The following NRDE2 variants were observed in gnomAD, a reference collection of about 807,000 sequenced individuals.
The protein encoded by NRDE2 is NRDE-2, necessary for RNA interference, domain containing.
Under a neutral mutation model 124.2 loss-of-function variants are expected in NRDE2, and 76 were observed. The ratio of observed to expected loss-of-function variants is 0.61; its 90% CI spans 0.51 to 0.74. The LOEUF is 0.74. NRDE2 is among the 30% of genes least tolerant of loss of function. The probability of loss-of-function intolerance (pLI) is 0.00; values close to 1 mark genes in which losing one functional copy is unlikely to be tolerated. For synonymous variants in NRDE2, 489 were observed against 528.1 expected (o/e 0.93, Z 1.01); for missense variants, 1,314 against 1,417.3 (o/e 0.93, Z 1.17).
intron 4 of NRDE2, among the ~76,000 whole-genome samples, chr14:90,309,472 C>CAAAAAAA: frequency 9.0e-6 from 1 of 110,780 alleles, no homozygotes; most frequent in Non-Finnish European, 1.8e-5. Flanking sequence ...GACTCTGTCT[C>CAAAAAAA]AAAAAAAAAA....
chr14:90,288,552 T>C lies in NRDE2; in HGVS notation c.2823A>G (p.Glu941=). The C allele has an allele frequency of 1.9e-6, 3 of 1,614,140 alleles. No individual in the cohort carries two copies. The highest frequency in any genetic ancestry group is 8.5e-7 in the Non-Finnish European group (1 of 1,179,974). The change falls in exon 11 of 14, where the codon GAA becomes GAG. Residue 941 remains glutamate (E), a synonymous_variant. Transcript: ENST00000354366. The part of the protein sequence containing the change: ...FAKLNSSVFP[E]GSGEGDSASS... ...TGGCACTGTCCCCCTCGCCAGAGCC[T>C]TCTGGGAAAACAGAACTGTTCAGTT...
In NRDE2 at chr14:90,287,829, T is replaced by C. The variant is rs537168372; in HGVS notation, c.3158+388A>G. ...AGCTATGAGAGGGGAAGTGGCCTGCTCGAGTTCACCCAGCCGAGAAGAGCT... is the reference window on the plus strand; with the variant it reads ...AGCTATGAGAGGGGAAGTGGCCTGCCCGAGTTCACCCAGCCGAGAAGAGCT... On this transcript the variant is annotated intron_variant, in intron 11 of 13. Coordinates refer to ENST00000354366, the MANE Select transcript of NRDE2 (RefSeq NM_017970.4). Among the ~76,000 whole-genome samples, 3 of 152,110 alleles carry C rather than the reference T, an allele frequency of 2.0e-5. No homozygotes were observed. In the South Asian group the frequency reaches 6.2e-4, roughly 32 times the overall value.
rs1337330082 is a variant in NRDE2, at chr14:90,275,707, C to T, written c.*2629G>A. On this transcript the variant is annotated 3_prime_UTR_variant, in exon 14 of 14. Transcript: ENST00000354366. ...TGCTTGTGAAATAACAGAATTCCCA[C>T]AGTAATTTCTTCCCTGGCTTCCTGC... The T allele has an allele frequency of 6.6e-6, 1 of 152,196 alleles. No homozygotes were observed. The highest frequency in any genetic ancestry group is 1.5e-5 in the Non-Finnish European group (1 of 68,046). 9.4% of individuals were successfully genotyped at this position (152,196 alleles called of 1,614,324 possible). A position where few individuals can be genotyped will look rare whatever the true frequency, so the allele number is the denominator to read the frequency against.
intron 9 of NRDE2, among the ~76,000 whole-genome samples, chr14:90,291,064 G>A (rs1451683577): frequency 6.6e-6 from 1 of 152,070 alleles, no homozygotes; most frequent in Non-Finnish European, 1.5e-5. Flanking sequence ...TCCAAGAAAT[G>A]AAAAATATAC....
intron 8 of NRDE2, among the ~76,000 whole-genome samples, chr14:90,298,018 G>A (rs1884244028): frequency 6.6e-6 from 1 of 151,528 alleles, no homozygotes; most frequent in Non-Finnish European, 1.5e-5. Flanking sequence ...CCTATAAAAG[G>A]AAAAAGGGAA....
Position 90,273,983 on chromosome 14 carries a change from T to C in NRDE2, c.*4353A>G, listed in dbSNP as rs1034177121. ...TTTCCCTGTTTTAAAGTTTACAATC[T>C]TCTTAATTTTTATCTGCAAAGTTCC... On this transcript the variant is annotated 3_prime_UTR_variant, in exon 14 of 14. Coordinates refer to ENST00000354366, the MANE Select transcript of NRDE2 (RefSeq NM_017970.4). 1.5e-5 allele frequency: 1 copy of C among 68,482 alleles called. No individual in the cohort carries two copies. The highest frequency in any genetic ancestry group is 3.9e-5 in the African/African-American group (1 of 25,716). 4.2% of individuals were successfully genotyped at this position (68,482 alleles called of 1,614,324 possible).
intron 13 of NRDE2, 170 bp downstream of exon 13, chr14:90,278,892 A>C: frequency 1.5e-6 from 1 of 668,422 alleles, no homozygotes; most frequent in Non-Finnish European, 2.7e-6. Context: ...CTGACTCCAC[A>C]GGGGACAGTT....
intron 1 of NRDE2, among the ~76,000 whole-genome samples, chr14:90,324,342 T>C (rs1377261512): frequency 3.3e-5 from 5 of 152,054 alleles, no homozygotes; most frequent in African/African-American, 7.2e-5. Context: ...AAATCAGATA[T>C]ACTATTTGAA....
intron 1 of NRDE2, among the ~76,000 whole-genome samples, chr14:90,328,067 C>T (rs538680173): frequency 4.4e-4 from 66 of 151,570 alleles, no homozygotes; most frequent in African/African-American, 1.6e-3. Context: ...GGCGTGAACC[C>T]GGGAGGCGGA....
In NRDE2 at chr14:90,270,390, T is replaced by G. The variant is rs1891630169; in HGVS notation, c.*7946A>C. 2 of 1,593,584 alleles carry G rather than the reference T, an allele frequency of 1.3e-6. No individual in the cohort carries two copies. Among genetic ancestry groups the G allele is most frequent in the Non-Finnish European group, 1.7e-6 (2 of 1,170,488 alleles). On this transcript the variant is annotated 3_prime_UTR_variant, in exon 14 of 14. Coordinates refer to ENST00000354366, the MANE Select transcript of NRDE2 (RefSeq NM_017970.4). ...CCGTGTCAGCTTATTTCTGGGAATG[T>G]GGCCGTCAATCAGGAAAGAGTCTAT...
chr14:90,292,599 G>A (rs1200567657), intron 9 of NRDE2, 98 bp downstream of exon 9: 1 of 1,338,478 alleles, frequency 7.5e-7, no homozygotes, highest in African/African-American at 1.5e-5. Context: ...TGCTAAGAGA[G>A]CTCCAGCGGC....
chr14:90,312,370 A>G (rs1884875583), intron 4 of NRDE2, 24 bp downstream of exon 4: 1 of 1,612,458 alleles, frequency 6.2e-7, no homozygotes, highest in African/African-American at 1.3e-5. Flanking sequence ...TACAGTGAAA[A>G]CTGGGGGAAA....
At chr14:90,301,769 C>T (rs375088145) in intron 6 of NRDE2, 13 of 456,210 alleles carry the variant, frequency 2.8e-5, no homozygotes, top group African/African-American at 2.6e-4. Flanking sequence ...GATGGCATTA[C>T]TCACCAGCAA....
At chr14:90,299,377 A>G (rs988840746) in intron 7 of NRDE2, among the ~76,000 whole-genome samples, 2 of 141,896 alleles carry the variant, frequency 1.4e-5, no homozygotes, top group South Asian at 2.5e-4. Context: ...GCCTGGCCCC[A>G]TTAGCACCTC....
intron 4 of NRDE2, among the ~76,000 whole-genome samples, chr14:90,310,710 G>A (rs567885957): frequency 1.4e-4 from 22 of 152,048 alleles, no homozygotes; most frequent in African/African-American, 5.3e-4. Context: ...AGTAGAGATG[G>A]GGTTTCACCA....
chr14:90,315,173 T>A (rs1203668767), intron 3 of NRDE2, among the ~76,000 whole-genome samples: 3 of 68,166 alleles, frequency 4.4e-5, no homozygotes. Context: ...CAATACTCTG[T>A]CTCAAAAAAA....
intron 4 of NRDE2, among the ~76,000 whole-genome samples, chr14:90,311,081 A>G (rs909607869): frequency 6.6e-6 from 1 of 152,208 alleles, no homozygotes; most frequent in African/African-American, 2.4e-5. Flanking sequence ...GAGTGACAAT[A>G]GGATTAAAAT....
At chr14:90,307,403 G>A (rs1257923007) in intron 4 of NRDE2, among the ~76,000 whole-genome samples, 5 of 152,066 alleles carry the variant, frequency 3.3e-5, no homozygotes, top group Non-Finnish European at 7.4e-5. Context: ...CCTAAATGAA[G>A]GCACTTTTGC....
At chr14:90,323,206 T>G (rs1885303382) in intron 1 of NRDE2, among the ~76,000 whole-genome samples, 1 of 152,164 alleles carries the variant, frequency 6.6e-6, no homozygotes, top group Admixed American at 6.5e-5. Flanking sequence ...TAACAGAAAA[T>G]AATATAATGA....
Sources: gnomAD v4.1 joint callset for allele counts (sites outside exome capture counted in the v4.1 genomes callset) on GRCh38, gnomAD v4.1.1 for gene constraint, MANE v1.5 for transcripts, NCBI Gene and HGNC (gene_info 2026-07-23, HGNC 2026-07-21) for gene names.